PCDHGA10: variants seen among roughly 807,000 people sequenced by gnomAD.
PCDHGA10 encodes protocadherin gamma subfamily A, 10.
In PCDHGA10, 42 loss-of-function variants were observed where a neutral mutation model predicts 59.5. That is an observed-to-expected ratio of 0.71 (90% CI 0.55 to 0.91). The LOEUF (loss-of-function observed/expected upper bound fraction) is 0.91. Ranked by LOEUF, PCDHGA10 falls within the 40% of genes least tolerant of loss-of-function variation. The pLI is 0.00. For synonymous variants in PCDHGA10, 511 were observed against 517.2 expected (o/e 0.99, Z 0.16); for missense variants, 1,111 against 1,198.2 (o/e 0.93, Z 1.07).
At chr5:141,502,140 G>A (rs534984161) in intron 2 of PCDHGA10, among the ~76,000 whole-genome samples, 1 of 152,268 alleles carries the variant, frequency 6.6e-6, no homozygotes, top group South Asian at 2.1e-4. Context: ...CAGTCGGGCC[G>A]GAAGTAAGGA....
Position 141,491,009 on chromosome 5 carries a change from C to A in PCDHGA10, c.2437-3798C>A. On this transcript the variant is annotated intron_variant, in intron 1 of 3. Transcript: ENST00000398610. This position sits in a 1 kb window ranked among gnomAD's most constrained non-coding sequence, Gnocchi z 6.9. ...TCTGCTCCTCCTGGCTCCTTGGTCA[C>A]CAAGGTGACAGCCGTGGATGCTGAT... 4 of 1,614,140 alleles carry A rather than the reference C, an allele frequency of 2.5e-6. No homozygotes were observed. Among genetic ancestry groups the A allele is most frequent in the Non-Finnish European group, 3.4e-6 (4 of 1,180,038 alleles).
rs2095763034 is a variant in PCDHGA10, at chr5:141,414,586, A to G, written c.1411A>G (p.Arg471Gly). 1.2e-6 allele frequency: 2 copies of G among 1,613,964 alleles called. No individual in the cohort carries two copies. The highest frequency in any genetic ancestry group is 8.5e-7 in the Non-Finnish European group (1 of 1,179,880). The change falls in exon 1 of 4, where the codon AGG (arginine) becomes GGG (glycine). Residue 471 changes from arginine (R) to glycine (G), a missense_variant. By Grantham distance (125) the Arg-to-Gly change is moderately radical. Transcript: ENST00000398610. ...YFTYIPENNA[R>G]GASIFSVTAL... ...TACCTATATCCCAGAGAACAACGCC[A>G]GGGGTGCCTCCATCTTCTCAGTGAC...
At chr5:141,438,985 A>G (rs1461265086) in intron 1 of PCDHGA10, among the ~76,000 whole-genome samples, 1 of 151,940 alleles carries the variant, frequency 6.6e-6, no homozygotes, top group Non-Finnish European at 1.5e-5. Context: ...ACTTATCTTA[A>G]AAGGCTAAGG....
intron 1 of PCDHGA10, chr5:141,419,373 TGTCC>T (rs761256298): frequency 6.2e-7 from 1 of 1,613,754 alleles, no homozygotes; most frequent in South Asian, 1.1e-5. Context: ...TCGTCCTACG[TGTCC>T]GTGAGCGCGC....
chr5:141,501,162 C>T (rs922957843), intron 2 of PCDHGA10, among the ~76,000 whole-genome samples: 1 of 152,134 alleles, frequency 6.6e-6, no homozygotes, highest in Non-Finnish European at 1.5e-5. Context: ...CCACCATCCC[C>T]AGCCTCATTT....
rs192227219 is a variant in PCDHGA10 at position 141,501,899 on chromosome 5, A to G, written c.2496-3494A>G. Among the ~76,000 whole-genome samples the G allele has an allele frequency of 1.0e-3, 159 of 152,024 alleles. 1 individual carries two copies. The highest frequency in any genetic ancestry group is 6.8e-3 in the Middle Eastern group (2 of 294). ...TACACTCCTGATCATCATGGTTCCA[A>G]CCCCACTGTTCCACTCAGCTTTGTT... is the stretch of plus-strand genomic sequence containing the variant. On this transcript the variant is annotated intron_variant, in intron 2 of 3. Transcript: ENST00000398610.
chr5:141,453,732 C>T (rs182118864), intron 1 of PCDHGA10, among the ~76,000 whole-genome samples: 9 of 152,332 alleles, frequency 5.9e-5, no homozygotes. Context: ...TTTGTTACTA[C>T]AGCTTAAATA....
intron 2 of PCDHGA10, among the ~76,000 whole-genome samples, chr5:141,503,239 C>G (rs1364808315): frequency 6.6e-6 from 1 of 152,088 alleles, no homozygotes; most frequent in Non-Finnish European, 1.5e-5. Flanking sequence ...TGGACAGTTT[C>G]TATCATACTC....
chr5:141,476,986 C>A lies in PCDHGA10; in HGVS notation c.2437-17821C>A. ...CCTTCGGCAGCCACAACCGCGCCGG[C>A]GTGCGGCAACTATTCGCCTTAGACC... On this transcript the variant is annotated intron_variant, in intron 1 of 3. Transcript: ENST00000398610. The surrounding 1 kb of genome is among the most constrained non-coding windows in gnomAD (Gnocchi z 7.6). 6.2e-7 allele frequency: 1 copy of A among 1,614,218 alleles called. No individual in the cohort carries two copies. The highest frequency in any genetic ancestry group is 8.5e-7 in the Non-Finnish European group (1 of 1,180,042).
intron 1 of PCDHGA10, among the ~76,000 whole-genome samples, chr5:141,461,231 T>C (rs1042368465): frequency 6.6e-5 from 10 of 152,068 alleles, no homozygotes; most frequent in African/African-American, 2.4e-4. Context: ...TCCATAGAGG[T>C]TGTACTAATT....
intron 1 of PCDHGA10, chr5:141,419,425 C>A (rs3749766): frequency 2.5e-6 from 4 of 1,613,316 alleles, no homozygotes; most frequent in Non-Finnish European, 3.4e-6. Context: ...CCTTCGACCA[C>A]GAGCAGCTGC....
At chr5:141,430,837 C>G (rs1350348914) in intron 1 of PCDHGA10, 1 of 1,560,074 alleles carries the variant, frequency 6.4e-7, no homozygotes, top group Non-Finnish European at 8.6e-7. Context: ...TGTGGGAGAC[C>G]GGATGCACCC....
chr5:141,421,426 A>G, intron 1 of PCDHGA10: 2 of 1,614,104 alleles, frequency 1.2e-6, no homozygotes, highest in South Asian at 1.1e-5. Context: ...CGGAGTCCGC[A>G]TCGTCTCCAG....
Position 141,432,454 on chromosome 5 carries a change from C to T in PCDHGA10, c.2436+16843C>T, listed in dbSNP as rs751733947. On this transcript the variant is annotated intron_variant, in intron 1 of 3. Coordinates refer to ENST00000398610, the MANE Select transcript of PCDHGA10 (RefSeq NM_018913.3). The surrounding 1 kb of genome is among the most constrained non-coding windows in gnomAD (Gnocchi z 6.0). ...ACAATGCGCCCGAGATCCTGTACCC[C>T]GCCCTCCCCACGGACGGTTCCACTG... 134 of 1,614,108 alleles carry T rather than the reference C, an allele frequency of 8.3e-5. No homozygotes were observed. The highest frequency in any genetic ancestry group is 1.1e-4 in the Non-Finnish European group (133 of 1,180,058).
chr5:141,475,768 G>A (rs756539564), intron 1 of PCDHGA10, among the ~76,000 whole-genome samples: 5 of 152,280 alleles, frequency 3.3e-5, no homozygotes, highest in South Asian at 2.1e-4. Flanking sequence ...TACTGGCAAG[G>A]CGCTTTGGCT....
rs1243112302 is a variant in PCDHGA10, at chr5:141,476,738, C to G, written c.2437-18069C>G. 6.2e-7 allele frequency: 1 copy of G among 1,614,076 alleles called. No homozygotes were observed. Among genetic ancestry groups the G allele is most frequent in the Non-Finnish European group, 8.5e-7 (1 of 1,180,028 alleles). On this transcript the variant is annotated intron_variant, in intron 1 of 3. Transcript: ENST00000398610. This position sits in a 1 kb window ranked among gnomAD's most constrained non-coding sequence, Gnocchi z 7.6. ...GCGCGCCCTGGACCGAGAACGGGAG[C>G]CTAGTCTCCAGTTAGTGCTGACGGC...
In PCDHGA10 at chr5:141,447,157, T is replaced by A. The variant is rs569196292; in HGVS notation, c.2436+31546T>A. On this transcript the variant is annotated intron_variant, in intron 1 of 3. Transcript: ENST00000398610. The stretch of plus-strand genomic sequence containing the variant: ...TTTGTTTTTTGTTTTTGTTTTTGTT[T>A]AAGCGGGGTCTTGCTCTTGTCGCGC... Among the ~76,000 whole-genome samples the A allele has an allele frequency of 4.1e-4, 62 of 152,254 alleles. No homozygotes were observed. The South Asian group carries it at 0.013, about 31-fold the overall frequency.
intron 1 of PCDHGA10, among the ~76,000 whole-genome samples, chr5:141,451,284 G>C (rs950768919): frequency 2.6e-5 from 4 of 152,186 alleles, no homozygotes; most frequent in African/African-American, 9.7e-5. Flanking sequence ...GAGTGCCTCT[G>C]CCTCAAAGTC....
At position 141,431,110 on chromosome 5, in the gene PCDHGA10, T is replaced by G; in HGVS notation, c.2436+15499T>G. 1.2e-6 allele frequency: 2 copies of G among 1,614,168 alleles called. No individual in the cohort carries two copies. The highest frequency in any genetic ancestry group is 1.7e-6 in the Non-Finnish European group (2 of 1,180,012). On this transcript the variant is annotated intron_variant, in intron 1 of 3. Transcript: ENST00000398610. This position sits in a 1 kb window ranked among gnomAD's most constrained non-coding sequence, Gnocchi z 4.8. Reference sequence around the variant, plus strand: ...TGATGGAGGATAAAGTGAAAATATATGGAGTAGAAGTAGAAGTAAGGGACA... The same window carrying G: ...TGATGGAGGATAAAGTGAAAATATAGGGAGTAGAAGTAGAAGTAAGGGACA...
Sources: allele counts gnomAD v4.1 joint callset (sites outside exome capture counted in the v4.1 genomes callset), GRCh38; gene constraint gnomAD v4.1.1; non-coding constraint Gnocchi (gnomAD v3.1); transcripts MANE v1.5; gene names NCBI Gene and HGNC (gene_info 2026-07-23, HGNC 2026-07-21).